IL23R: variants seen among roughly 807,000 people sequenced by gnomAD.
IL23R encodes interleukin-23 receptor.
A neutral mutation model predicts 56.9 loss-of-function variants in IL23R; 34 were observed. That is an observed-to-expected ratio of 0.60 (90% CI 0.45 to 0.80). The LOEUF is 0.80. Ranked by LOEUF, IL23R falls within the 30% of genes least tolerant of loss-of-function variation. The pLI is 0.00. For missense variants in IL23R, 635 were observed against 730.0 expected (o/e 0.87, Z 1.50); for synonymous variants, 230 against 249.2 (o/e 0.92, Z 0.73).
At position 67,200,841 on chromosome 1, in the gene IL23R, C is replaced by T. The variant is rs143130647; in HGVS notation, c.596C>T (p.Ala199Val). 925 of 1,614,106 alleles carry T rather than the reference C, an allele frequency of 5.7e-4. 2 individuals are homozygous for T. Among genetic ancestry groups the T allele is most frequent in the Middle Eastern group, 2.6e-3 (16 of 6,062 alleles). The change falls in exon 5 of 11, where the codon GCA (alanine) becomes GTA (valine). Residue 199 changes from alanine to valine, a missense_variant. Physicochemically the swap from Ala to Val is moderately conservative, Grantham distance 64. Transcript: ENST00000347310. The part of the protein sequence containing the change: ...GKKYLVWVQA[A>V]NALGMEESKQ... Reference sequence around the variant, plus strand: ...AAGTACTTGGTTTGGGTCCAAGCAGCAAACGCACTAGGCATGGAAGAGTCA... The same window carrying T: ...AAGTACTTGGTTTGGGTCCAAGCAGTAAACGCACTAGGCATGGAAGAGTCA...
Position 67,236,745 on chromosome 1 carries a change from G to C in IL23R, c.988G>C (p.Asp330His). ...PQVTSKAFQH[D>H]TWNSGLTVAS... ...GGTCACATCAAAAGCATTCCAACAT[G>C]ACACATGGAATTCTGGGCTAACAGT... is the stretch of plus-strand genomic sequence containing the variant. Residue 330 changes from aspartate to histidine, a missense_variant, in exon 8 of 11, where the codon GAC becomes CAC. Asp to His is a moderately conservative substitution (Grantham distance 81). Transcript: ENST00000347310. 1 of 1,613,642 alleles carries C rather than the reference G, an allele frequency of 6.2e-7. No individual in the cohort carries two copies.
intron 1 of IL23R, among the ~76,000 whole-genome samples, chr1:67,155,537 A>G (rs796933222): frequency 3.9e-5 from 6 of 152,270 alleles, no homozygotes; most frequent in African/African-American, 1.4e-4. Context: ...TATTTCAGCA[A>G]GGTGGTCTTC....
intron 6 of IL23R, among the ~76,000 whole-genome samples, chr1:67,209,220 G>A (rs1394883323): frequency 6.6e-6 from 1 of 152,180 alleles, no homozygotes; most frequent in Non-Finnish European, 1.5e-5. Context: ...TGTCTCAGAT[G>A]AGACTTTGGA....
chr1:67,246,242 T>C (rs1407479688), intron 9 of IL23R, among the ~76,000 whole-genome samples: 3 of 152,220 alleles, frequency 2.0e-5, no homozygotes, highest in African/African-American at 7.2e-5. Context: ...TCTATTTTGT[T>C]GATCTTTTCA....
chr1:67,142,656 C>T (rs776322118), intron 1 of IL23R, among the ~76,000 whole-genome samples: 1 of 152,108 alleles, frequency 6.6e-6, no homozygotes, highest in South Asian at 2.1e-4. Flanking sequence ...ACCTTCACCT[C>T]CTGGGTTCAA....
At chr1:67,152,747 CAT>C (rs35583027) in intron 1 of IL23R, among the ~76,000 whole-genome samples, 72,464 of 151,716 alleles carry the variant, frequency 0.48, 17,949 homozygotes, top group South Asian at 0.63. Flanking sequence ...TGATGCGTTA[CAT>C]TTATTGATTT....
rs1650096628 is a variant in IL23R, at chr1:67,219,429, G to A, written c.799-145G>A. 2.8e-5 allele frequency: 20 copies of A among 715,806 alleles called. 1 individual carries two copies. In the South Asian group the frequency reaches 3.2e-4, roughly 11 times the overall value. 44.3% of individuals were successfully genotyped at this position (715,806 alleles called of 1,614,324 possible). On this transcript the variant is annotated intron_variant, in intron 6 of 10. Transcript: ENST00000347310. ...CAGAGACAGTATTTGATTATGTACG[G>A]CCACGTTTTATATAAAGAACACTTT...
Position 67,169,360 on chromosome 1 carries a change from G to A in IL23R, c.89G>A (p.Cys30Tyr). Reference protein sequence around the residue: ...WCHGGITNINCSGHIWVEPAT... With the variant: ...WCHGGITNINYSGHIWVEPAT... ...TTTCTAGGAATTACAAATATAAACT[G>A]CTCTGGCCACATCTGGGTAGAACCA... The change falls in exon 3 of 11, where the codon TGC becomes TAC. Residue 30 changes from cysteine to tyrosine, a missense_variant. Cys to Tyr is a radical substitution (Grantham distance 194, BLOSUM62 -2). Coordinates refer to ENST00000347310, the MANE Select transcript of IL23R (RefSeq NM_144701.3). 6.2e-7 allele frequency: 1 copy of A among 1,610,768 alleles called. No individual in the cohort carries two copies. Among genetic ancestry groups the A allele is most frequent in the Non-Finnish European group, 8.5e-7 (1 of 1,177,768 alleles).
At chr1:67,212,042 A>T (rs1392644196) in intron 6 of IL23R, among the ~76,000 whole-genome samples, 3 of 152,298 alleles carry the variant, frequency 2.0e-5, no homozygotes, top group East Asian at 3.9e-4. Context: ...CAGACTCTAC[A>T]TCACTTTAAA....
intron 2 of IL23R, 96 bp from the exon 3 acceptor site, chr1:67,169,246 A>G: frequency 1.1e-6 from 1 of 947,542 alleles, no homozygotes; most frequent in Non-Finnish European, 1.6e-6. Context: ...CATTTAGTTA[A>G]TAGAAATGAT....
intron 4 of IL23R, among the ~76,000 whole-genome samples, chr1:67,195,713 C>A (rs1648095725): frequency 6.6e-6 from 1 of 152,156 alleles, no homozygotes; most frequent in Admixed American, 6.5e-5. Flanking sequence ...TTGCTCCTCA[C>A]CCCTCCAATG....
intron 9 of IL23R, among the ~76,000 whole-genome samples, chr1:67,245,162 T>A (rs765970101): frequency 6.6e-6 from 1 of 152,242 alleles, no homozygotes; most frequent in Non-Finnish European, 1.5e-5. Flanking sequence ...ACATTAATTT[T>A]GTATCCTGAG....
chr1:67,158,033 T>C (rs1570762655), intron 1 of IL23R, among the ~76,000 whole-genome samples: 1 of 152,102 alleles, frequency 6.6e-6, no homozygotes, highest in Non-Finnish European at 1.5e-5. Flanking sequence ...CTGGCCAACA[T>C]GGTGAAACCC....
downstream of IL23R, among the ~76,000 whole-genome samples, chr1:67,263,862 G>T (rs773834153): frequency 2.2e-3 from 217 of 98,664 alleles, no homozygotes; most frequent in Non-Finnish European, 4.0e-3. Context: ...AGACTCCATC[G>T]CAAAAAAAAA....
intron 4 of IL23R, among the ~76,000 whole-genome samples, chr1:67,194,649 A>C (rs559934887): frequency 1.1e-4 from 17 of 152,324 alleles, no homozygotes; most frequent in Non-Finnish European, 7.4e-5. Context: ...TTGAAAATAC[A>C]TTTCCATTTT....
chr1:67,162,932 T>C (rs1646835680), upstream of IL23R, among the ~76,000 whole-genome samples: 1 of 152,198 alleles, frequency 6.6e-6, no homozygotes, highest in Non-Finnish European at 1.5e-5. Context: ...CTTAAAGGTG[T>C]GCACGCAGTC....
chr1:67,210,474 T>C (rs1206192768), intron 6 of IL23R, among the ~76,000 whole-genome samples: 1 of 152,110 alleles, frequency 6.6e-6, no homozygotes, highest in African/African-American at 2.4e-5. Context: ...TTAAGGTTTT[T>C]TTTTTAGAGA....
intron 7 of IL23R, among the ~76,000 whole-genome samples, chr1:67,223,794 AT>A (rs1650447242): frequency 6.6e-6 from 1 of 152,128 alleles, no homozygotes; most frequent in Non-Finnish European, 1.5e-5. Flanking sequence ...ACTATAATTT[AT>A]TTAGGCATTT....
chr1:67,261,446 T>C (rs1404390711), downstream of IL23R, among the ~76,000 whole-genome samples: 10 of 133,172 alleles, frequency 7.5e-5, no homozygotes, highest in East Asian at 3.7e-3. Context: ...TTTTACATAG[T>C]GTAAAAAAAA....
Sources: allele counts gnomAD v4.1 joint callset (sites outside exome capture counted in the v4.1 genomes callset), GRCh38; gene constraint gnomAD v4.1.1; transcripts MANE v1.5; gene names NCBI Gene and HGNC (gene_info 2026-07-23, HGNC 2026-07-21).